Variants in SKOR2 observed in about 807,000 individuals in gnomAD.
The protein encoded by SKOR2 is SKI family transcriptional corepressor 2.
A neutral mutation model predicts 69.1 loss-of-function variants in SKOR2; 47 were observed. The observed-to-expected ratio is 0.68, with a 90% CI of 0.54 to 0.87. The LOEUF (loss-of-function observed/expected upper bound fraction) is 0.87. SKOR2 is among the 40% of genes least tolerant of loss of function. The pLI is 0.00. For missense variants in SKOR2, 1,404 were observed against 1,472.2 expected, an observed-to-expected ratio of 0.95 and a Z score of 0.76; for synonymous variants, 717 against 672.6, an observed-to-expected ratio of 1.07 and a Z score of -1.02.
intron 6 of SKOR2, among the ~76,000 whole-genome samples, chr18:47,220,817 T>A (rs529335468): frequency 1.1e-3 from 161 of 152,332 alleles, no homozygotes; most frequent in African/African-American, 3.6e-3. Context: ...GCACGATTTC[T>A]TATTGAATTT....
In SKOR2 at chr18:47,224,877, C is replaced by T. The variant is rs1424132718; in HGVS notation, c.2918-4867G>A. ...TCAAGCAATCCTCCTGCCTCGACTT[C>T]CCAAAGTGCTGAGATTACAGACCTG... On this transcript the variant is annotated intron_variant, in intron 6 of 8. Coordinates refer to ENST00000425639, the MANE Select transcript of SKOR2 (RefSeq NM_001278063.4). Among the ~76,000 whole-genome samples the T allele has an allele frequency of 2.0e-5, 3 of 152,100 alleles. No homozygotes were observed. The East Asian group carries it at 5.8e-4, about 29-fold the overall frequency.
At chr18:47,244,138 C>T (rs2064260688) in intron 4 of SKOR2, among the ~76,000 whole-genome samples, 1 of 152,090 alleles carries the variant, frequency 6.6e-6, no homozygotes, top group African/African-American at 2.4e-5. Context: ...TATAAGATTC[C>T]TTTAAGATCC....
intron 6 of SKOR2, 103 bp from the exon 7 acceptor site, chr18:47,220,113 C>A: frequency 1.1e-6 from 1 of 925,416 alleles, no homozygotes; most frequent in South Asian, 1.7e-5. Flanking sequence ...AGCCCCCCTA[C>A]TTTTAAGTAT....
At chr18:47,225,534 G>A (rs1233430021) in intron 6 of SKOR2, among the ~76,000 whole-genome samples, 1 of 152,114 alleles carries the variant, frequency 6.6e-6, no homozygotes, top group Non-Finnish European at 1.5e-5. Flanking sequence ...GAACATTCTG[G>A]GTAGCTCTTC....
At chr18:47,214,754 C>G (rs1279254072) in intron 7 of SKOR2, among the ~76,000 whole-genome samples, 1 of 152,106 alleles carries the variant, frequency 6.6e-6, no homozygotes, top group Non-Finnish European at 1.5e-5. Flanking sequence ...TAAAATGCAA[C>G]ATTGGACTTG....
rs1391920639 is a variant in SKOR2, at chr18:47,247,417, G to A, written c.1767C>T (p.Ala589=). 42 of 1,301,436 alleles carry A rather than the reference G, an allele frequency of 3.2e-5. No homozygotes were observed. The highest frequency in any genetic ancestry group is 4.1e-5 in the Non-Finnish European group (42 of 1,027,498). 80.6% of individuals were successfully genotyped at this position (1,301,436 alleles called of 1,614,324 possible). A position where few individuals can be genotyped will look rare whatever the true frequency, so the allele number is the denominator to read the frequency against. ...GGGAGCCCGCGGGGCCAGACCCGGC[G>A]GCCGCGGCCCCTGCCCCGGCAGCTG... is the stretch of plus-strand genomic sequence containing the variant. ...SVAAAGAGAA[A]AGSGPAGSRV... Residue 589 remains alanine (A), a synonymous_variant, in exon 2 of 9, where the codon GCC becomes GCT. Transcript: ENST00000425639. The surrounding 1 kb of genome is among the most constrained non-coding windows in gnomAD (Gnocchi z 6.6).
At chr18:47,250,280 A>T (rs2064306749) in intron 1 of SKOR2, among the ~76,000 whole-genome samples, 1 of 152,218 alleles carries the variant, frequency 6.6e-6, no homozygotes. Context: ...TCGAAATCCC[A>T]GGTTGGGTCT....
chr18:47,243,651 A>G, intron 4 of SKOR2, among the ~76,000 whole-genome samples: 1 of 152,324 alleles, frequency 6.6e-6, no homozygotes. Context: ...TTGTGACTTT[A>G]GAGTGTAACA....
At chr18:47,229,679 A>G (rs1038166384) in intron 6 of SKOR2, among the ~76,000 whole-genome samples, 1 of 152,176 alleles carries the variant, frequency 6.6e-6, no homozygotes, top group African/African-American at 2.4e-5. Flanking sequence ...ATAAGTTTGC[A>G]TACTATTTTC....
intron 7 of SKOR2, among the ~76,000 whole-genome samples, chr18:47,214,883 A>T (rs2064139000): frequency 2.0e-5 from 3 of 152,298 alleles, no homozygotes; most frequent in South Asian, 2.1e-4. Flanking sequence ...CTTTCTTTTC[A>T]TCTTGACCAG....
chr18:47,233,562 A>C (rs1568087268), intron 4 of SKOR2, among the ~76,000 whole-genome samples: 2 of 152,246 alleles, frequency 1.3e-5, no homozygotes, highest in Non-Finnish European at 2.9e-5. Flanking sequence ...AGAAGCATGC[A>C]TGTATCTCTG....
At chr18:47,223,464 C>T (rs1016965154) in intron 6 of SKOR2, among the ~76,000 whole-genome samples, 2 of 152,172 alleles carry the variant, frequency 1.3e-5, no homozygotes, top group African/African-American at 4.8e-5. Flanking sequence ...TTAAAAAGTT[C>T]ATACCCTTTA....
intron 2 of SKOR2, 116 bp downstream of exon 2, chr18:47,246,455 C>A (rs1033610925): frequency 1.5e-5 from 19 of 1,303,776 alleles, no homozygotes; most frequent in Non-Finnish European, 1.9e-5. Flanking sequence ...CTGAATATTT[C>A]ATTTCTGTGG....
At chr18:47,212,244 T>C (rs528087526) in intron 7 of SKOR2, 93 bp from the exon 8 acceptor site, 354 of 1,116,924 alleles carry the variant, frequency 3.2e-4, no homozygotes, top group Non-Finnish European at 3.9e-4. Context: ...ACAATTTGAA[T>C]GCCAATAGAT....
Position 47,245,484 on chromosome 18 carries a change from T to TTTTTTTC in SKOR2, c.2677+13_2677+14insGAAAAAA, listed in dbSNP as rs2064268396. ...GCAAGAAAAGTGGCAGCTGATTTTTTTTTTTTTTTTTACCTGAAAAGCTGT... is the reference window on the plus strand; with the variant it reads ...GCAAGAAAAGTGGCAGCTGATTTTTTTTTTTTCTTTTTTTTTTTACCTGAAAAGCTGT... On this transcript the variant is annotated intron_variant, in intron 3 of 8. Transcript: ENST00000425639. 6.9e-7 allele frequency: 1 copy of TTTTTTTC among 1,450,918 alleles called. No homozygotes were observed. Among genetic ancestry groups the TTTTTTTC allele is most frequent in the African/African-American group, 1.5e-5 (1 of 65,846 alleles). 89.9% of individuals were successfully genotyped at this position (1,450,918 alleles called of 1,614,324 possible).
chr18:47,238,831 C>T (rs2064236756), intron 4 of SKOR2, among the ~76,000 whole-genome samples: 1 of 152,190 alleles, frequency 6.6e-6, no homozygotes, highest in African/African-American at 2.4e-5. Context: ...GCATGCAAAG[C>T]TGCAAACAAT....
chr18:47,220,576 G>C (rs2684839), intron 6 of SKOR2, among the ~76,000 whole-genome samples: 70,027 of 151,998 alleles, frequency 0.46, 16,214 homozygotes, highest in Middle Eastern at 0.54. Context: ...TTATGTTCCT[G>C]CTTTGTCCTG....
In SKOR2 at chr18:47,245,478, A is replaced by ATTTTGTTTTT; in HGVS notation, c.2677+19_2677+20insAAAAACAAAA. 1 of 1,194,644 alleles carries ATTTTGTTTTT rather than the reference A, an allele frequency of 8.4e-7. No homozygotes were observed. Among genetic ancestry groups the ATTTTGTTTTT allele is most frequent in the Admixed American group, 3.8e-5 (1 of 25,976 alleles). 74.0% of individuals were successfully genotyped at this position (1,194,644 alleles called of 1,614,324 possible). On this transcript the variant is annotated intron_variant, in intron 3 of 8. Transcript: ENST00000425639. ...ATGCAGGCAAGAAAAGTGGCAGCTG[A>ATTTTGTTTTT]TTTTTTTTTTTTTTTTTACCTGAAA...
chr18:47,228,828 C>A (rs2064187516), intron 6 of SKOR2, among the ~76,000 whole-genome samples: 1 of 152,242 alleles, frequency 6.6e-6, no homozygotes, highest in South Asian at 2.1e-4. Context: ...ATAAGTATCA[C>A]AATATTCCTA....
Sources: allele counts gnomAD v4.1 joint callset (sites outside exome capture counted in the v4.1 genomes callset), GRCh38; gene constraint gnomAD v4.1.1; non-coding constraint Gnocchi (gnomAD v3.1); transcripts MANE v1.5; gene names NCBI Gene and HGNC (gene_info 2026-07-23, HGNC 2026-07-21).